Variants in ZNF638 observed in about 807,000 individuals in gnomAD.
ZNF638 encodes the protein zinc finger protein 638.
A neutral mutation model predicts 195.6 loss-of-function variants in ZNF638; 46 were observed. The observed-to-expected ratio is 0.24, with a 90% confidence interval of 0.19 to 0.30. ZNF638 has a LOEUF of 0.30. Ranked by LOEUF, ZNF638 falls within the 10% of genes least tolerant of loss-of-function variation. The pLI, the probability that ZNF638 is intolerant of heterozygous loss-of-function variation, is 1.00. For synonymous variants in ZNF638, 845 were observed against 772.0 expected (o/e 1.09, Z -1.57); for missense variants, 2,440 against 2,325.3 (o/e 1.05, Z -1.01).
chr2:71,383,600 A>T, intron 10 of ZNF638, among the ~76,000 whole-genome samples: 1 of 105,966 alleles, frequency 9.4e-6, no homozygotes, highest in African/African-American at 3.9e-5. Context: ...ATTGAGATGG[A>T]GTTTCACTCT....
At chr2:71,424,064 A>G in intron 22 of ZNF638, 26 bp downstream of exon 22, 1 of 1,601,086 alleles carries the variant, frequency 6.2e-7, no homozygotes, top group Non-Finnish European at 8.5e-7. Context: ...AGAATGGCAC[A>G]GTGTGTCTTT....
intron 2 of ZNF638, among the ~76,000 whole-genome samples, chr2:71,351,205 A>C (rs1000207864): frequency 6.6e-6 from 1 of 152,184 alleles, no homozygotes; most frequent in African/African-American, 2.4e-5. Flanking sequence ...AGGCTTAAAA[A>C]TCTGTGTGTT....
chr2:71,401,125 A>C (rs2079997563), intron 15 of ZNF638, among the ~76,000 whole-genome samples: 1 of 152,174 alleles, frequency 6.6e-6, no homozygotes, highest in South Asian at 2.1e-4. Flanking sequence ...TATTTTAGGA[A>C]GAGTATTTTA....
At chr2:71,424,809 T>G in intron 23 of ZNF638, 94 bp downstream of exon 23, 1 of 969,000 alleles carries the variant, frequency 1.0e-6, no homozygotes, top group South Asian at 1.6e-5. Context: ...ACAATGTTAG[T>G]GACTAAGAGT....
chr2:71,410,980 A>ACCCC (rs1215256972), intron 20 of ZNF638, among the ~76,000 whole-genome samples: 3 of 42,636 alleles, frequency 7.0e-5, no homozygotes, highest in African/African-American at 9.7e-5. Context: ...CCCACCCACC[A>ACCCC]CCTCCCCCCC....
At chr2:71,364,633 T>C (rs964321809) in intron 5 of ZNF638, among the ~76,000 whole-genome samples, 2 of 152,290 alleles carry the variant, frequency 1.3e-5, no homozygotes, top group Non-Finnish European at 2.9e-5. Flanking sequence ...ACACACACCT[T>C]CTTCTACAAT....
intron 11 of ZNF638, among the ~76,000 whole-genome samples, chr2:71,397,266 G>A (rs1011605999): frequency 3.9e-5 from 6 of 152,136 alleles, no homozygotes; most frequent in African/African-American, 1.4e-4. Context: ...TTAAGTCCCA[G>A]TACCCAGATA....
At chr2:71,389,439 C>T (rs1225991482) in intron 10 of ZNF638, among the ~76,000 whole-genome samples, 1 of 152,088 alleles carries the variant, frequency 6.6e-6, no homozygotes, top group Non-Finnish European at 1.5e-5. Context: ...TCTGTTTGGC[C>T]CCATGGGACT....
intron 1 of ZNF638, among the ~76,000 whole-genome samples, chr2:71,339,552 C>G (rs1459903592): frequency 6.6e-6 from 1 of 152,146 alleles, no homozygotes; most frequent in Non-Finnish European, 1.5e-5. Context: ...AACCAAATGG[C>G]AGAGAGGGCA....
intron 8 of ZNF638, among the ~76,000 whole-genome samples, chr2:71,377,723 G>A (rs2079458536): frequency 6.6e-6 from 1 of 152,194 alleles, no homozygotes; most frequent in Admixed American, 6.5e-5. Context: ...GAAAGGCATG[G>A]TAGATATATT....
At chr2:71,381,946 A>G (rs957795549) in intron 10 of ZNF638, among the ~76,000 whole-genome samples, 1 of 152,220 alleles carries the variant, frequency 6.6e-6, no homozygotes, top group Admixed American at 6.5e-5. Flanking sequence ...GAGATGTAAA[A>G]ATCCCACTGA....
intron 16 of ZNF638, among the ~76,000 whole-genome samples, chr2:71,403,519 A>G (rs1012389723): frequency 6.6e-6 from 1 of 152,162 alleles, no homozygotes; most frequent in African/African-American, 2.4e-5. Context: ...AAGAAATACT[A>G]ATATTGATTA....
intron 10 of ZNF638, among the ~76,000 whole-genome samples, chr2:71,385,374 G>A (rs2079615943): frequency 6.6e-6 from 1 of 152,106 alleles, no homozygotes; most frequent in Non-Finnish European, 1.5e-5. Flanking sequence ...CCCCAAACTG[G>A]AAACAACCCA....
Position 71,423,123 on chromosome 2 carries a change from G to T in ZNF638, c.3609G>T (p.Gln1203His). 6.2e-7 allele frequency: 1 copy of T among 1,614,106 alleles called. No homozygotes were observed. The highest frequency in any genetic ancestry group is 1.7e-5 in the Admixed American group (1 of 60,014). ...CCGAGGAGTGTGCTTTAAATCAGCA[G>T]ATGTTTAACAGTGACTTGGAGAAGA... ...ENAEECALNQ[Q>H]MFNSDLEKKG... The change falls in exon 22 of 28, where the codon CAG becomes CAT. Residue 1203 changes from glutamine to histidine, a missense_variant. Physicochemically the swap from Gln to His is conservative, Grantham distance 24. Transcript: ENST00000264447.
intron 21 of ZNF638, among the ~76,000 whole-genome samples, chr2:71,419,106 A>G (rs1573156512): frequency 1.3e-5 from 2 of 152,222 alleles, no homozygotes; most frequent in African/African-American, 2.4e-5. Context: ...AAAATTATGT[A>G]TATAGTTTTG....
intron 1 of ZNF638, among the ~76,000 whole-genome samples, chr2:71,333,668 C>G (rs1317095153): frequency 6.6e-6 from 1 of 152,180 alleles, no homozygotes; most frequent in African/African-American, 2.4e-5. Flanking sequence ...AGAGAATAGG[C>G]TTTGCAGTCG....
intron 4 of ZNF638, 149 bp from the exon 5 acceptor site, chr2:71,363,805 A>G: frequency 2.1e-6 from 2 of 941,862 alleles, no homozygotes; most frequent in Non-Finnish European, 3.1e-6. Context: ...TTACATCATA[A>G]CAAACAGATT....
chr2:71,370,951 A>G (rs886143523), intron 8 of ZNF638, among the ~76,000 whole-genome samples: 1 of 151,822 alleles, frequency 6.6e-6, no homozygotes, highest in Non-Finnish European at 1.5e-5. Context: ...TTTGGTACCC[A>G]TTAATTATCC....
chr2:71,359,714 AT>A (rs2079078106), intron 3 of ZNF638, among the ~76,000 whole-genome samples: 1 of 152,166 alleles, frequency 6.6e-6, no homozygotes, highest in Non-Finnish European at 1.5e-5. Context: ...TAATAAATAG[AT>A]TTGGTTAGGT....
Sources: gnomAD v4.1 joint callset for allele counts (sites outside exome capture counted in the v4.1 genomes callset) on GRCh38, gnomAD v4.1.1 for gene constraint, MANE v1.5 for transcripts, NCBI Gene and HGNC (gene_info 2026-07-23, HGNC 2026-07-21) for gene names.